The following RNF20 variants were observed in gnomAD, a reference collection of about 807,000 sequenced individuals.
RNF20 encodes ring finger protein 20, also known as E3 ubiquitin-protein ligase BRE1A.
RNF20 carries 84 observed loss-of-function variants against 126.2 expected under a neutral mutation model. That is an observed-to-expected ratio of 0.67 (90% CI 0.56 to 0.80). The LOEUF (loss-of-function observed/expected upper bound fraction) is 0.80, where lower values mean the gene tolerates loss of function less well. Ranked by LOEUF, RNF20 falls within the 30% of genes least tolerant of loss-of-function variation. The pLI, the probability that RNF20 is intolerant of heterozygous loss-of-function variation, is 0.00. For missense variants in RNF20, 869 were observed against 1,188.2 expected, an observed-to-expected ratio of 0.73 and a Z score of 3.95; for synonymous variants, 400 against 414.3, an observed-to-expected ratio of 0.97 and a Z score of 0.42.
Position 101,547,431 on chromosome 9 carries a change from CAAAGAGTTGGCTCAGAACCGT to C in RNF20, c.1006_1026del (p.Lys336_Arg342del). The C allele has an allele frequency of 6.2e-7, 1 of 1,614,120 alleles. No homozygotes were observed. Among genetic ancestry groups the C allele is most frequent in the Non-Finnish European group, 8.5e-7 (1 of 1,179,994 alleles). On this transcript the variant is annotated inframe_deletion, in exon 9 of 20. Coordinates refer to ENST00000389120, the MANE Select transcript of RNF20 (RefSeq NM_019592.7). ...AAATGAATGCAGAGCTTGAGGAGAA[CAAAGAGTTGGCTCAGAACCGT>C]CTCTGTGAGCTGGAGAAACTTCGGC...
chr9:101,557,314 T>C, intron 15 of RNF20, 70 bp from the exon 16 acceptor site: 2 of 1,116,790 alleles, frequency 1.8e-6, no homozygotes, highest in Non-Finnish European at 2.6e-6. Flanking sequence ...TGGGAAAATT[T>C]AGTTTCCTGT....
In RNF20 at chr9:101,554,736, G is replaced by T; in HGVS notation, c.2062G>T (p.Glu688Ter). 1 of 1,609,594 alleles carries T rather than the reference G, an allele frequency of 6.2e-7. No homozygotes were observed. The highest frequency in any genetic ancestry group is 8.5e-7 in the Non-Finnish European group (1 of 1,177,142). ...RQRLKDLEDKEKKENKKMADE... is the reference protein window; with the variant it reads ...RQRLKDLEDK ...AAGACTCAAGGATCTGGAAGATAAA[G>T]AGAAGAAAGAGAACAAGAAAATGGC... The change falls in exon 15 of 20, where the codon GAG (glutamate) becomes TAG (stop). Residue 688 changes from glutamate (E) to a stop codon, truncating the protein, a stop_gained. Transcript: ENST00000389120. LOFTEE classifies it high-confidence loss of function.
chr9:101,534,205 A>G (rs1827148549), intron 1 of RNF20: 1 of 151,782 alleles, frequency 6.6e-6, no homozygotes, highest in East Asian at 1.9e-4. Flanking sequence ...AATTGGAAGC[A>G]GAGTAGTCTT....
intron 2 of RNF20, among the ~76,000 whole-genome samples, chr9:101,539,661 A>G (rs59111885): frequency 0.14 from 21,813 of 152,204 alleles, 2,111 homozygotes; most frequent in East Asian, 0.36. Context: ...GATAATGACA[A>G]AAGTCTGAGA....
At chr9:101,554,599 T>C (rs1827502072) in intron 14 of RNF20, 95 bp from the exon 15 acceptor site, 12 of 985,826 alleles carry the variant, frequency 1.2e-5, no homozygotes, top group Non-Finnish European at 1.6e-5. Context: ...AAGACTCTTT[T>C]GGTATTATGA....
chr9:101,560,766 T>C (rs998306036), intron 16 of RNF20, 35 bp from the exon 17 acceptor site: 1 of 1,578,446 alleles, frequency 6.3e-7, no homozygotes, highest in Non-Finnish European at 8.6e-7. Flanking sequence ...TTTTAATCTT[T>C]TCATTTGTGT....
chr9:101,546,270 T>TA (rs1827346466), intron 6 of RNF20, among the ~76,000 whole-genome samples: 1 of 152,184 alleles, frequency 6.6e-6, no homozygotes, highest in Admixed American at 6.5e-5. Context: ...AGCTGGTGTA[T>TA]AGCTCCTAAA....
chr9:101,552,881 G>A, intron 13 of RNF20, 128 bp downstream of exon 13: 1 of 1,005,878 alleles, frequency 9.9e-7, no homozygotes, highest in Non-Finnish European at 1.4e-6. Flanking sequence ...AATTAATTTG[G>A]TTTCAAGTCG....
intron 15 of RNF20, among the ~76,000 whole-genome samples, chr9:101,556,589 A>G (rs1048273441): frequency 1.3e-4 from 20 of 152,188 alleles, no homozygotes; most frequent in African/African-American, 4.8e-4. Flanking sequence ...AAAAGCTAGA[A>G]GAAAACCATT....
At chr9:101,547,794 C>G (rs777297871) in intron 9 of RNF20, among the ~76,000 whole-genome samples, 1 of 152,180 alleles carries the variant, frequency 6.6e-6, no homozygotes, top group African/African-American at 2.4e-5. Context: ...AAGATGCTCG[C>G]TGTCATTACT....
In RNF20 at chr9:101,547,574, G is replaced by A. The variant is rs553555653; in HGVS notation, c.1092+56G>A. ...TCAGACGTTCTGCTGATCAACTCAC[G>A]TATATACATAGTTGTGAATCTGCGT... On this transcript the variant is annotated intron_variant, in intron 9 of 19. Transcript: ENST00000389120. 46 of 1,595,928 alleles carry A rather than the reference G, an allele frequency of 2.9e-5. 1 individual carries two copies. Among genetic ancestry groups the A allele is most frequent in the Middle Eastern group, 1.7e-4 (1 of 5,992 alleles).
intron 15 of RNF20, among the ~76,000 whole-genome samples, chr9:101,556,695 G>T (rs1419729975): frequency 6.6e-6 from 1 of 152,022 alleles, no homozygotes; most frequent in Non-Finnish European, 1.5e-5. Flanking sequence ...TTTTTAAAAT[G>T]ATGCAAAACT....
Position 101,554,723 on chromosome 9 carries a change from T to A in RNF20, c.2049T>A (p.Asp683Glu). Residue 683 changes from aspartate (D) to glutamate (E), a missense_variant, in exon 15 of 20, where the codon GAT (aspartate) becomes GAA (glutamate). This residue lies in a region of RNF20 where 231 missense variants were observed against 263.6 expected (regional missense o/e 0.88). Transcript: ENST00000389120. ...ELEDLRQRLK[D>E]LEDKEKKENK... Reference sequence around the variant, plus strand: ...AAGATCTAAGGCAAAGACTCAAGGATCTGGAAGATAAAGAGAAGAAAGAGA... The same window carrying A: ...AAGATCTAAGGCAAAGACTCAAGGAACTGGAAGATAAAGAGAAGAAAGAGA... 6.2e-7 allele frequency: 1 copy of A among 1,610,370 alleles called. No individual in the cohort carries two copies. Among genetic ancestry groups the A allele is most frequent in the Non-Finnish European group, 8.5e-7 (1 of 1,177,662 alleles).
intron 19 of RNF20, 39 bp from the exon 20 acceptor site, chr9:101,562,207 T>G: frequency 1.3e-6 from 2 of 1,593,596 alleles, no homozygotes; most frequent in South Asian, 1.1e-5. Flanking sequence ...GATCATAAAC[T>G]TTCATGGTTG....
intron 9 of RNF20, among the ~76,000 whole-genome samples, 199 bp from the exon 10 acceptor site, chr9:101,550,407 C>G (rs896444050): frequency 2.0e-5 from 3 of 152,132 alleles, no homozygotes; most frequent in African/African-American, 7.2e-5. Flanking sequence ...TACAGTATAT[C>G]CAGGTACCAT....
At chr9:101,550,472 G>A (rs1827424934) in intron 9 of RNF20, 134 bp from the exon 10 acceptor site, 5 of 727,054 alleles carry the variant, frequency 6.9e-6, no homozygotes, top group Non-Finnish European at 1.2e-5. Context: ...TACAGCAATG[G>A]GTAGATAACT....
Position 101,562,464 on chromosome 9 carries a change from T to TA in RNF20, c.*43dup. ...AAGAGGAGCTGGCTAGTCAGGAACT[T>TA]ATTCATTAACCACCAAACCTCTACC... On this transcript the variant is annotated 3_prime_UTR_variant, in exon 20 of 20. Coordinates refer to ENST00000389120, the MANE Select transcript of RNF20 (RefSeq NM_019592.7). The TA allele has an allele frequency of 2.6e-6, 4 of 1,562,382 alleles. No individual in the cohort carries two copies. In the African/African-American group the frequency reaches 4.1e-5, roughly 16 times the overall value.
intron 13 of RNF20, among the ~76,000 whole-genome samples, chr9:101,553,263 T>A (rs977004507): frequency 1.3e-5 from 2 of 152,162 alleles, no homozygotes; most frequent in African/African-American, 4.8e-5. Context: ...CTTGTTGAAT[T>A]TTTCTGTGTC....
intron 2 of RNF20, among the ~76,000 whole-genome samples, chr9:101,537,974 A>T (rs1827208655): frequency 6.6e-6 from 1 of 152,214 alleles, no homozygotes; most frequent in African/African-American, 2.4e-5. Context: ...GTATCGCTGT[A>T]AAGTAGATGA....
Sources: allele counts gnomAD v4.1 joint callset (sites outside exome capture counted in the v4.1 genomes callset), GRCh38; gene constraint gnomAD v4.1.1; regional missense constraint gnomAD v4.1.1; transcripts MANE v1.5; gene names NCBI Gene and HGNC (gene_info 2026-07-23, HGNC 2026-07-21).